Variants in TESC observed in about 807,000 individuals in gnomAD.
TESC encodes the protein tescalcin.
TESC carries 19 observed loss-of-function variants against 31.0 expected under a neutral mutation model. The observed-to-expected ratio is 0.61, with a 90% CI of 0.43 to 0.90. The LOEUF (loss-of-function observed/expected upper bound fraction) is 0.90, where lower values mean the gene tolerates loss of function less well. Among genes scored for constraint, TESC ranks in the 40% least tolerant of loss-of-function variants. The probability of loss-of-function intolerance (pLI) is 0.00; values close to 1 mark genes in which losing one functional copy is unlikely to be tolerated. For missense variants in TESC, 248 were observed against 303.8 expected (o/e 0.82, Z 1.36); for synonymous variants, 109 against 114.8 (o/e 0.95, Z 0.32).
chr12:117,067,864 G>A (rs1466040225), intron 2 of TESC, among the ~76,000 whole-genome samples: 1 of 152,186 alleles, frequency 6.6e-6, no homozygotes, highest in African/African-American at 2.4e-5. Context: ...CTCTGCTGCT[G>A]GCAGCTGGGC....
At chr12:117,046,099 C>A (rs780381534) in intron 6 of TESC, among the ~76,000 whole-genome samples, 1 of 152,218 alleles carries the variant, frequency 6.6e-6, no homozygotes, top group African/African-American at 2.4e-5. Flanking sequence ...GCTCCTCCAC[C>A]GGACTCCATG....
chr12:117,088,851 T>G (rs1250087112), intron 1 of TESC, among the ~76,000 whole-genome samples: 1 of 152,164 alleles, frequency 6.6e-6, no homozygotes, highest in African/African-American at 2.4e-5. Context: ...AATACCCAAG[T>G]GCCAGGGGCA....
chr12:117,069,383 C>G (rs1465892387), intron 2 of TESC, among the ~76,000 whole-genome samples: 1 of 152,158 alleles, frequency 6.6e-6, no homozygotes, highest in East Asian at 1.9e-4. Context: ...GGATTACAAG[C>G]ACACACCACC....
intron 6 of TESC, among the ~76,000 whole-genome samples, chr12:117,045,758 C>T (rs531059178): frequency 6.6e-6 from 1 of 152,342 alleles, no homozygotes; most frequent in African/African-American, 2.4e-5. Flanking sequence ...AGAGACGCAG[C>T]CACTTTAGAC....
intron 3 of TESC, among the ~76,000 whole-genome samples, chr12:117,050,447 T>C (rs1385300336): frequency 2.6e-5 from 4 of 152,190 alleles, no homozygotes; most frequent in South Asian, 2.1e-4. Context: ...TTGCCAAGGA[T>C]TGAAAGTTTT....
At chr12:117,075,899 A>ATATATGTGTG (rs1955058881) in intron 1 of TESC, among the ~76,000 whole-genome samples, 1 of 73,220 alleles carries the variant, frequency 1.4e-5, no homozygotes, top group African/African-American at 8.2e-5. Context: ...ATATATATAT[A>ATATATGTGTG]TATATATATA....
chr12:117,052,413 C>T (rs1460126303), intron 3 of TESC, among the ~76,000 whole-genome samples: 2 of 152,202 alleles, frequency 1.3e-5, no homozygotes, highest in Non-Finnish European at 2.9e-5. Context: ...ATGTGAAGCC[C>T]TTTTCCAATA....
At chr12:117,085,513 AC>A (rs1472861815) in intron 1 of TESC, among the ~76,000 whole-genome samples, 1 of 152,016 alleles carries the variant, frequency 6.6e-6, no homozygotes, top group African/African-American at 2.4e-5. Flanking sequence ...TCCCCAAGCC[AC>A]CCTGCCTCCC....
rs983483968 is a variant in TESC at position 117,044,666 on chromosome 12, G to C, written c.519+1893C>G. Among the ~76,000 whole-genome samples, 9 of 152,354 alleles carry C rather than the reference G, an allele frequency of 5.9e-5. No individual in the cohort carries two copies. The East Asian group carries it at 1.2e-3, about 20-fold the overall frequency. The stretch of plus-strand genomic sequence containing the variant: ...GAATCCCAGCACTTTGGGAGACCAA[G>C]GTGGGTGGATCACTTGAGGTCAGGA... On this transcript the variant is annotated intron_variant, in intron 6 of 7. Coordinates refer to ENST00000335209, the MANE Select transcript of TESC (RefSeq NM_017899.4).
chr12:117,067,551 A>C (rs1006314407), intron 2 of TESC, among the ~76,000 whole-genome samples: 3 of 152,304 alleles, frequency 2.0e-5, no homozygotes, highest in East Asian at 3.9e-4. Flanking sequence ...CAGTCTGGAC[A>C]ACAGAACGAG....
At chr12:117,057,489 CAG>C (rs955987127) in intron 2 of TESC, among the ~76,000 whole-genome samples, 1 of 152,128 alleles carries the variant, frequency 6.6e-6, no homozygotes, top group Non-Finnish European at 1.5e-5. Flanking sequence ...TCTGGGGATT[CAG>C]AGACTGCCTG....
intron 4 of TESC, 111 bp downstream of exon 4, chr12:117,048,908 C>T: frequency 3.2e-6 from 5 of 1,553,438 alleles, no homozygotes; most frequent in Non-Finnish European, 4.4e-6. Flanking sequence ...CTCCAAGCCC[C>T]CAAGCCAATG....
At position 117,046,182 on chromosome 12, in the gene TESC, G is replaced by A. The variant is rs1004423872; in HGVS notation, c.519+377C>T. Among the ~76,000 whole-genome samples, 6 of 152,332 alleles carry A rather than the reference G, an allele frequency of 3.9e-5. No homozygotes were observed. In the East Asian group the frequency reaches 1.2e-3, roughly 29 times the overall value. ...CTTCGAGGCCAGAAGTTGCCTCTGA[G>A]TCATTTGTTAAGAAATAAACCAATT... On this transcript the variant is annotated intron_variant, in intron 6 of 7. Transcript: ENST00000335209.
intron 1 of TESC, 35 bp from the exon 2 acceptor site, chr12:117,075,375 GAAA>G: frequency 6.3e-7 from 1 of 1,581,626 alleles, no homozygotes; most frequent in Non-Finnish European, 8.6e-7. Flanking sequence ...AAACAAGACA[GAAA>G]AAAAAATCAC....
chr12:117,083,208 C>T (rs531396803), intron 1 of TESC, among the ~76,000 whole-genome samples: 1 of 152,244 alleles, frequency 6.6e-6, no homozygotes, highest in African/African-American at 2.4e-5. Flanking sequence ...GCCTCAGCCT[C>T]CCCGCACTGG....
rs936468673 is a variant in TESC, at chr12:117,049,060, T to C, written c.308A>G (p.Asp103Gly). 1 of 1,614,082 alleles carries C rather than the reference T, an allele frequency of 6.2e-7. No homozygotes were observed. The highest frequency in any genetic ancestry group is 8.5e-7 in the Non-Finnish European group (1 of 1,180,038). The change falls in exon 4 of 8, where the codon GAC becomes GGC. Residue 103 changes from aspartate (D) to glycine (G), a missense_variant. Asp to Gly is a moderately conservative substitution (Grantham distance 94). Coordinates refer to ENST00000335209, the MANE Select transcript of TESC (RefSeq NM_017899.4). Reference protein sequence around the residue: ...SYFRPIDTTMDEEQVELSRKE... With the variant: ...SYFRPIDTTMGEEQVELSRKE... ...CCGGGACAGCTCCACCTGTTCCTCG[T>C]CCATGGTGGTGTCGATGGGCCGGAA...
chr12:117,099,201 G>C (rs1240937051), intron 1 of TESC, 24 bp downstream of exon 1: 2 of 1,478,002 alleles, frequency 1.4e-6, no homozygotes, highest in South Asian at 2.5e-5. Context: ...CCCGGTCCCC[G>C]CGCCGCCCCC....
intron 2 of TESC, among the ~76,000 whole-genome samples, chr12:117,069,624 G>A (rs1455500599): frequency 1.3e-5 from 2 of 152,060 alleles, no homozygotes; most frequent in African/African-American, 4.8e-5. Context: ...TTTCAATGCC[G>A]CAAGACGAAC....
intron 3 of TESC, chr12:117,054,073 T>C (rs1954686724): frequency 6.6e-6 from 1 of 152,294 alleles, no homozygotes. Context: ...ACATGACAAC[T>C]GGCTGTGAAG....
Sources: gnomAD v4.1 joint callset for allele counts (sites outside exome capture counted in the v4.1 genomes callset) on GRCh38, gnomAD v4.1.1 for gene constraint, MANE v1.5 for transcripts, NCBI Gene and HGNC (gene_info 2026-07-23, HGNC 2026-07-21) for gene names.